CHKB: variants seen among roughly 807,000 people sequenced by gnomAD.
The protein encoded by CHKB is choline kinase beta.
Under a neutral mutation model 57.3 loss-of-function variants are expected in CHKB, and 45 were observed. The observed-to-expected ratio is 0.79, with a 90% confidence interval of 0.62 to 1.01. The LOEUF (loss-of-function observed/expected upper bound fraction) is 1.01. Among genes scored for constraint, CHKB ranks in the 50% least tolerant of loss-of-function variants. The pLI is 0.00. For missense variants in CHKB, 517 were observed against 502.8 expected (o/e 1.03, Z -0.27); for synonymous variants, 224 against 201.8 (o/e 1.11, Z -0.93).
In CHKB at chr22:50,579,429, G is replaced by A. The variant is rs754077285; in HGVS notation, c.1110C>T (p.Tyr370=). The change falls in exon 10 of 11, where the codon TAC becomes TAT. Residue 370 remains tyrosine, a synonymous_variant. Coordinates refer to ENST00000406938, the MANE Select transcript of CHKB (RefSeq NM_005198.5). ...QASMSTIEFG[Y]LDYAQSRFQF... is the part of the protein sequence containing the mutation. ...TCCCATCCCCAGGGTCACTTACCAA[G>A]TAACCAAATTCTATGGTGGACATGG... 1.2e-5 allele frequency: 19 copies of A among 1,613,020 alleles called. No individual in the cohort carries two copies. In the African/African-American group the frequency reaches 2.4e-4, roughly 20 times the overall value.
chr22:50,581,366 G>A (rs763390833), intron 4 of CHKB, 54 bp downstream of exon 4: 9 of 1,606,612 alleles, frequency 5.6e-6, no homozygotes, highest in Non-Finnish European at 7.6e-6. Context: ...CACATCCGCT[G>A]GCATGGAGGT....
intron 8 of CHKB, 45 bp downstream of exon 8, chr22:50,579,929 T>C (rs370329322): frequency 1.9e-6 from 3 of 1,598,444 alleles, no homozygotes; most frequent in Non-Finnish European, 2.6e-6. Context: ...ACCTCCCTCC[T>C]TCCTCACAGG....
intron 9 of CHKB, 37 bp from the exon 10 acceptor site, chr22:50,579,544 G>A: frequency 6.2e-7 from 1 of 1,605,582 alleles, no homozygotes; most frequent in South Asian, 1.1e-5. Context: ...GCATTCAAGA[G>A]CATGTCTAGC....
At position 50,582,789 on chromosome 22, in the gene CHKB, G is replaced by C. The variant is rs1322654150; in HGVS notation, c.-8C>G. 6.4e-7 allele frequency: 1 copy of C among 1,555,968 alleles called. No homozygotes were observed. The highest frequency in any genetic ancestry group is 8.7e-7 in the Non-Finnish European group (1 of 1,152,548). ...TGTCGCCTCGGCCGCCATGGCGCGG[G>C]CTCGACCGGGCCCCAGGCCAGGCTG... On this transcript the variant is annotated 5_prime_UTR_variant, in exon 1 of 11. Transcript: ENST00000406938.
rs559736493 is a variant in CHKB, at chr22:50,579,750, T to A, written c.1008A>T (p.Glu336Asp). 25 of 1,613,918 alleles carry A rather than the reference T, an allele frequency of 1.5e-5. No homozygotes were observed. Among genetic ancestry groups the A allele is most frequent in the African/African-American group, 5.3e-5 (4 of 74,908 alleles). ...ACCGACTGACTTCTACCAGCAAATC[T>A]TCTTCCAGTTTTCTCTGCTCCTCTT... ...LSQEEQRKLE[E>D]DLLVEVSRYA... Residue 336 changes from glutamate to aspartate, a missense_variant, in exon 9 of 11, where the codon GAA (glutamate) becomes GAT (aspartate). By Grantham distance (45) the Glu-to-Asp change is conservative (BLOSUM62 2). Transcript: ENST00000406938.
chr22:50,581,637 TG>T (rs1437400524), intron 3 of CHKB, 84 bp from the exon 4 acceptor site: 9 of 1,598,698 alleles, frequency 5.6e-6, no homozygotes, highest in African/African-American at 4.0e-5. Flanking sequence ...GTCAGGGTTT[TG>T]GGGGAAATTC....
rs1156461832 is a variant in CHKB, at chr22:50,581,527, A to C, written c.474T>G (p.Leu158=). 1 of 1,613,868 alleles carries C rather than the reference A, an allele frequency of 6.2e-7. No homozygotes were observed. Among genetic ancestry groups the C allele is most frequent in the Admixed American group, 1.7e-5 (1 of 60,018 alleles). ...TGGCTGCTGACAACACTGGCTCTCG[A>C]AGCTCTTGAGTTTTCAATGGCCGAC... ...IPSRPLKTQE[L]REPVLSAAIA... is the part of the protein sequence containing the mutation. The change falls in exon 4 of 11, where the codon CTT becomes CTG. Residue 158 remains leucine (L), a synonymous_variant. Coordinates refer to ENST00000406938, the MANE Select transcript of CHKB (RefSeq NM_005198.5).
At chr22:50,581,084 G>A (rs1032101537) in intron 4 of CHKB, among the ~76,000 whole-genome samples, 1 of 151,870 alleles carries the variant, frequency 6.6e-6, no homozygotes, top group East Asian at 1.9e-4. Flanking sequence ...CCTGGCCTTG[G>A]CAATCATTTC....
At chr22:50,581,141 C>T (rs1312377613) in intron 4 of CHKB, among the ~76,000 whole-genome samples, 1 of 152,162 alleles carries the variant, frequency 6.6e-6, no homozygotes, top group East Asian at 1.9e-4. Flanking sequence ...CTTGCTCTCA[C>T]CCAGGCTGAA....
In CHKB at chr22:50,582,587, C is replaced by G. The variant is rs774840848; in HGVS notation, c.195G>C (p.Gln65His). Residue 65 changes from glutamine to histidine, a missense_variant, in exon 1 of 11, where the codon CAG (glutamine) becomes CAC (histidine). Coordinates refer to ENST00000406938, the MANE Select transcript of CHKB (RefSeq NM_005198.5). ...CGGGGTAAACCCTCAGCTCCTCGGGCTGCACTCGGCGCCAGGCCCCGCCCA... is the reference window on the plus strand; with the variant it reads ...CGGGGTAAACCCTCAGCTCCTCGGGGTGCACTCGGCGCCAGGCCCCGCCCA... ...EYLGGAWRRV[Q>H]PEELRVYPVS... is the part of the protein sequence containing the mutation. The G allele has an allele frequency of 9.3e-6, 15 of 1,610,382 alleles. No homozygotes were observed. The highest frequency in any genetic ancestry group is 1.7e-5 in the Admixed American group (1 of 59,908).
At chr22:50,581,574 G>T in intron 3 of CHKB, 21 bp from the exon 4 acceptor site, 1 of 1,613,904 alleles carries the variant, frequency 6.2e-7, no homozygotes, top group South Asian at 1.1e-5. Context: ...GAAGCTATCA[G>T]GGTGGTGATG....
At chr22:50,579,579 T>C (rs956915372) in intron 9 of CHKB, 72 bp from the exon 10 acceptor site, 22 of 1,572,240 alleles carry the variant, frequency 1.4e-5, no homozygotes, top group African/African-American at 1.2e-4. Flanking sequence ...CTCACCCAGG[T>C]TGGCCAATCC....
chr22:50,582,610 C>T lies in CHKB; in HGVS notation c.172G>A (p.Gly58Ser). ...GGCTGCACTCGGCGCCAGGCCCCGC[C>T]CAAGTACTCCCGGCACCATTGGTAG... is the stretch of plus-strand genomic sequence containing the variant. ...RAYQWCREYL[G>S]GAWRRVQPEE... Residue 58 changes from glycine (G) to serine (S), a missense_variant, in exon 1 of 11, where the codon GGC becomes AGC. Physicochemically the swap from Gly to Ser is moderately conservative, Grantham distance 56 (BLOSUM62 0). Transcript: ENST00000406938. 2 of 1,611,248 alleles carry T rather than the reference C, an allele frequency of 1.2e-6. No homozygotes were observed. Among genetic ancestry groups the T allele is most frequent in the South Asian group, 2.2e-5 (2 of 90,946 alleles).
Position 50,582,367 on chromosome 22 carries a change from C to G in CHKB, c.225-10G>C. ...GTTGCTGAGGCCTCCGCTGCAGACC[C>G]ACACCAGGCGCGCTCAGCCCGCGGC... On this transcript the variant is annotated splice_polypyrimidine_tract_variant and intron_variant, in intron 1 of 10. Transcript: ENST00000406938. 1 of 1,545,948 alleles carries G rather than the reference C, an allele frequency of 6.5e-7. No individual in the cohort carries two copies. The highest frequency in any genetic ancestry group is 8.7e-7 in the Non-Finnish European group (1 of 1,146,768).
intron 5 of CHKB, 33 bp downstream of exon 5, chr22:50,580,532 C>T: frequency 6.2e-7 from 1 of 1,612,782 alleles, no homozygotes; most frequent in South Asian, 1.1e-5. Context: ...GGGCGGACAC[C>T]ATTACCATTA....
At position 50,580,411 on chromosome 22, in the gene CHKB, A is replaced by G. The variant is rs780848949; in HGVS notation, c.683T>C (p.Leu228Ser). The G allele has an allele frequency of 1.2e-6, 2 of 1,613,976 alleles. No homozygotes were observed. Among genetic ancestry groups the G allele is most frequent in the Non-Finnish European group, 1.7e-6 (2 of 1,180,010 alleles). ...LKDEMGNLRK[L>S]LESTPSPVVF... ...GACTGGCGATGGGGTAGACTCTAGT[A>G]ACTTCCTACAGGGGTATGGGAGCAT... The change falls in exon 6 of 11, where the codon TTA (leucine) becomes TCA (serine). Residue 228 changes from leucine to serine, a missense_variant. Leu to Ser is a moderately radical substitution (Grantham distance 145). Coordinates refer to ENST00000406938, the MANE Select transcript of CHKB (RefSeq NM_005198.5).
At position 50,580,622 on chromosome 22, in the gene CHKB, A is replaced by G; in HGVS notation, c.620T>C (p.Leu207Pro). 1.2e-6 allele frequency: 2 copies of G among 1,614,010 alleles called. No homozygotes were observed. Among genetic ancestry groups the G allele is most frequent in the Non-Finnish European group, 1.7e-6 (2 of 1,180,000 alleles). The change falls in exon 5 of 11, where the codon CTC becomes CCC. Residue 207 changes from leucine (L) to proline (P), a missense_variant. Coordinates refer to ENST00000406938, the MANE Select transcript of CHKB (RefSeq NM_005198.5). ...KQIQDLPPTG[L>P]PEMNLLEMYS... ...CATCTCCAGCAGGTTCATCTCAGGG[A>G]GGCCAGTTGGGGGCAGGTCCTGGAT...
chr22:50,578,968 A>C lies in CHKB; in HGVS notation c.*213T>G, dbSNP rs1463408628. 3 of 606,894 alleles carry C rather than the reference A, an allele frequency of 4.9e-6. No homozygotes were observed. The highest frequency in any genetic ancestry group is 5.3e-5 in the Admixed American group (2 of 38,086). 37.6% of individuals were successfully genotyped at this position (606,894 alleles called of 1,614,324 possible). A position where few individuals can be genotyped will look rare whatever the true frequency, so the allele number is the denominator to read the frequency against. On this transcript the variant is annotated 3_prime_UTR_variant, in exon 11 of 11. Coordinates refer to ENST00000406938, the MANE Select transcript of CHKB (RefSeq NM_005198.5). ...TCAGCAGGGCCAGGACAGGGTGGGAAGAAGAAGCTTGTTTATTGTGTTACA... is the reference window on the plus strand; with the variant it reads ...TCAGCAGGGCCAGGACAGGGTGGGACGAAGAAGCTTGTTTATTGTGTTACA...
At chr22:50,579,342 G>C (rs2070620344) in intron 10 of CHKB, 84 bp downstream of exon 10, 2 of 1,577,236 alleles carry the variant, frequency 1.3e-6, no homozygotes, top group Non-Finnish European at 8.7e-7. Flanking sequence ...CAGCCACCCG[G>C]GACTCCCCAG....
Sources: allele counts gnomAD v4.1 joint callset (sites outside exome capture counted in the v4.1 genomes callset), GRCh38; gene constraint gnomAD v4.1.1; transcripts MANE v1.5; gene names NCBI Gene and HGNC (gene_info 2026-07-23, HGNC 2026-07-21).